Variants in PXDN observed in about 807,000 individuals in gnomAD.
The protein encoded by PXDN is peroxidasin, also known as peroxidasin homolog.
A neutral mutation model predicts 140.3 loss-of-function variants in PXDN; 77 were observed. The observed-to-expected ratio is 0.55, with a 90% CI of 0.46 to 0.66. PXDN has a LOEUF of 0.66. PXDN is among the 30% of genes least tolerant of loss of function. The pLI is 0.00. For missense variants in PXDN, 1,838 were observed against 2,039.5 expected (o/e 0.90, Z 1.90); for synonymous variants, 911 against 857.4 (o/e 1.06, Z -1.09).
chr2:1,649,037 C>A lies in PXDN; in HGVS notation c.2743G>T (p.Val915Leu). The change falls in exon 17 of 23, where the codon GTG becomes TTG. Residue 915 changes from valine (V) to leucine (L), a missense_variant. Physicochemically the swap from Val to Leu is conservative, Grantham distance 32. This residue lies in a region of PXDN where 850 missense variants were observed against 894.1 expected (regional missense o/e 0.95). Transcript: ENST00000252804. The surrounding 1 kb of genome is among the most constrained non-coding windows in gnomAD (Gnocchi z 7.1). The stretch of plus-strand genomic sequence containing the variant: ...GCCTCATGCTCCGTGCTCCCGTACA[C>A]GTTGGATGCGTCTATGTAGGAGGTG... ...QLTSYIDASN[V>L]YGSTEHEARS... 1 of 1,612,610 alleles carries A rather than the reference C, an allele frequency of 6.2e-7. No homozygotes were observed. Among genetic ancestry groups the A allele is most frequent in the Non-Finnish European group, 8.5e-7 (1 of 1,179,716 alleles).
rs971833461 is a variant in PXDN at position 1,706,802 on chromosome 2, T to A, written c.201-13668A>T. 1.5e-5 allele frequency among the ~76,000 whole-genome samples: 2 copies of A among 133,560 alleles called. 1 individual carries two copies. Among genetic ancestry groups the A allele is most frequent in the African/African-American group, 6.5e-5 (2 of 30,698 alleles). The allele number at this position is 133,560 out of a possible 152,430, so 87.6% of individuals were successfully genotyped here. A position where few individuals can be genotyped will look rare whatever the true frequency, so the allele number is the denominator to read the frequency against. ...CACTTCAGTGATCACCAATCAGCTC[T>A]AAGCATCGCCTGCCCCACTAATAAT... On this transcript the variant is annotated intron_variant, in intron 1 of 22. Coordinates refer to ENST00000252804, the MANE Select transcript of PXDN (RefSeq NM_012293.3).
intron 10 of PXDN, 21 bp downstream of exon 10, chr2:1,666,193 G>T (rs1683434666): frequency 6.2e-7 from 1 of 1,611,368 alleles, no homozygotes; most frequent in Admixed American, 1.7e-5. Flanking sequence ...CCTGGCTCTG[G>T]CACAGAGGAT....
intron 1 of PXDN, among the ~76,000 whole-genome samples, chr2:1,717,111 G>A (rs1035364332): frequency 7.9e-5 from 12 of 152,126 alleles, no homozygotes; most frequent in African/African-American, 2.4e-4. Flanking sequence ...CACAGCCATC[G>A]ATCTTAAAAT....
intron 9 of PXDN, chr2:1,669,851 T>C (rs974714457): frequency 3.3e-5 from 5 of 152,014 alleles, no homozygotes; most frequent in African/African-American, 9.7e-5. Flanking sequence ...AATAAATAAA[T>C]AAATAATTTT....
At position 1,649,133 on chromosome 2, in the gene PXDN, G is replaced by C. The variant is rs761017624; in HGVS notation, c.2647C>G (p.Pro883Ala). 2.7e-5 allele frequency: 43 copies of C among 1,612,584 alleles called. No individual in the cohort carries two copies. Among genetic ancestry groups the C allele is most frequent in the Non-Finnish European group, 3.5e-5 (41 of 1,179,818 alleles). The change falls in exon 17 of 23, where the codon CCT (proline) becomes GCT (alanine). Residue 883 changes from proline (P) to alanine (A), a missense_variant. Around this residue, in one of 5 missense-constraint regions of PXDN, gnomAD observed 850 missense variants for 894.1 expected, o/e 0.95. Coordinates refer to ENST00000252804, the MANE Select transcript of PXDN (RefSeq NM_012293.3). The surrounding 1 kb of genome is among the most constrained non-coding windows in gnomAD (Gnocchi z 7.1). ...ARCMFFVRSS[P>A]VCGSGMTSLL... ...GAAGTCATGCCGCTGCCGCACACAGGGCTGGAGCGCACGAAGAACATGCAG... is the reference window on the plus strand; with the variant it reads ...GAAGTCATGCCGCTGCCGCACACAGCGCTGGAGCGCACGAAGAACATGCAG...
chr2:1,720,764 C>G (rs553042546), intron 1 of PXDN, among the ~76,000 whole-genome samples: 3 of 150,368 alleles, frequency 2.0e-5, no homozygotes, highest in Non-Finnish European at 4.4e-5. Flanking sequence ...GTACACATAT[C>G]CTGTGGTTTC....
chr2:1,668,056 A>C (rs894102305), intron 9 of PXDN, among the ~76,000 whole-genome samples: 12 of 152,224 alleles, frequency 7.9e-5, no homozygotes, highest in Admixed American at 7.9e-4. Context: ...AAACTATACT[A>C]CAAGGCTACA....
chr2:1,735,010 C>T (rs964421879), intron 1 of PXDN, among the ~76,000 whole-genome samples: 1 of 152,246 alleles, frequency 6.6e-6, no homozygotes, highest in Non-Finnish European at 1.5e-5. Context: ...ACAGCATCTT[C>T]ACCAGGAGTA....
chr2:1,684,236 T>TAGGAAAAAATCTAG, intron 4 of PXDN, 85 bp from the exon 5 acceptor site: 2 of 1,132,428 alleles, frequency 1.8e-6, no homozygotes, highest in Non-Finnish European at 2.6e-6. Context: ...TTCCTAGTCA[T>TAGGAAAAAATCTAG]TTCAAATTCA....
Position 1,660,866 on chromosome 2 carries a change from C to G in PXDN, c.1837+15G>C. The G allele has an allele frequency of 8.7e-6, 14 of 1,602,920 alleles. No homozygotes were observed. The highest frequency in any genetic ancestry group is 1.2e-5 in the Non-Finnish European group (14 of 1,172,642). ...TGGATACCATGTGGGTAGATGTGGG[C>G]ATGTGGCATCTTACCATTCACACTG... is the stretch of plus-strand genomic sequence containing the variant. On this transcript the variant is annotated intron_variant, in intron 14 of 22. Coordinates refer to ENST00000252804, the MANE Select transcript of PXDN (RefSeq NM_012293.3). The surrounding 1 kb of genome is among the most constrained non-coding windows in gnomAD (Gnocchi z 4.6).
chr2:1,662,787 A>G (rs1395351832), intron 12 of PXDN, among the ~76,000 whole-genome samples: 2 of 152,298 alleles, frequency 1.3e-5, no homozygotes, highest in East Asian at 3.9e-4. Context: ...CAGCCTACTG[A>G]CAACAGGCAG....
chr2:1,737,135 C>T (rs1176265921), intron 1 of PXDN, among the ~76,000 whole-genome samples: 1 of 152,186 alleles, frequency 6.6e-6, no homozygotes. Flanking sequence ...TTTCCACGGG[C>T]AGATGACGCA....
chr2:1,717,001 C>T (rs1186969999), intron 1 of PXDN, among the ~76,000 whole-genome samples: 2 of 152,194 alleles, frequency 1.3e-5, no homozygotes, highest in East Asian at 1.9e-4. Flanking sequence ...GACCCACTCT[C>T]AACAGCCCCT....
In PXDN at chr2:1,722,485, A is replaced by G. The variant is rs554983240; in HGVS notation, c.200+21771T>C. ...GCTGTGATCCTCAGAAGAACTGGGA[A>G]CATATTCACCCAAATCATTTTCTTT... is the stretch of plus-strand genomic sequence containing the variant. On this transcript the variant is annotated intron_variant, in intron 1 of 22. Transcript: ENST00000252804. Among the ~76,000 whole-genome samples, 5 of 152,368 alleles carry G rather than the reference A, an allele frequency of 3.3e-5. No homozygotes were observed. In the South Asian group the frequency reaches 1.0e-3, roughly 32 times the overall value.
At chr2:1,724,814 C>T (rs1685138205) in intron 1 of PXDN, among the ~76,000 whole-genome samples, 1 of 152,046 alleles carries the variant, frequency 6.6e-6, no homozygotes, top group Non-Finnish European at 1.5e-5. Context: ...TTTTGTTCTC[C>T]TTTCTTAAGA....
At position 1,680,200 on chromosome 2, in the gene PXDN, C is replaced by G. The variant is rs1242833792; in HGVS notation, c.723G>C (p.Leu241=). 6 of 1,569,448 alleles carry G rather than the reference C, an allele frequency of 3.8e-6. No homozygotes were observed. Among genetic ancestry groups the G allele is most frequent in the Non-Finnish European group, 5.2e-6 (6 of 1,157,170 alleles). ...RSVATITPEE[L]NCERPRITSE... ...GCGTGTCGGGCCACTCACCACAGTT[C>G]AGCTCTTCCGGGGTGATGGTTGCCA... Residue 241 remains leucine (L), a synonymous_variant, in exon 7 of 23, where the codon CTG becomes CTC. Transcript: ENST00000252804.
At chr2:1,732,087 C>T (rs1207357442) in intron 1 of PXDN, among the ~76,000 whole-genome samples, 1 of 151,836 alleles carries the variant, frequency 6.6e-6, no homozygotes, top group Non-Finnish European at 1.5e-5. Context: ...AACCAAAAAC[C>T]AAAAAAACTG....
At chr2:1,732,648 A>C (rs1476540967) in intron 1 of PXDN, among the ~76,000 whole-genome samples, 1 of 152,212 alleles carries the variant, frequency 6.6e-6, no homozygotes, top group Non-Finnish European at 1.5e-5. Flanking sequence ...TTTCCATATA[A>C]CTGTACCAAG....
chr2:1,740,569 T>A (rs1247704944), intron 1 of PXDN, among the ~76,000 whole-genome samples: 1 of 151,362 alleles, frequency 6.6e-6, no homozygotes, highest in Non-Finnish European at 1.5e-5. Context: ...GGCCGGGAGG[T>A]GGGCTGGTCC....
Sources: allele counts gnomAD v4.1 joint callset (sites outside exome capture counted in the v4.1 genomes callset), GRCh38; gene constraint gnomAD v4.1.1; regional missense constraint gnomAD v4.1.1; non-coding constraint Gnocchi (gnomAD v3.1); transcripts MANE v1.5; gene names NCBI Gene and HGNC (gene_info 2026-07-23, HGNC 2026-07-21).